The following ZEB1 variants were observed in gnomAD, a reference collection of about 807,000 sequenced individuals.
ZEB1 encodes the protein zinc finger E-box binding homeobox 1.
In ZEB1, 21 loss-of-function variants were observed where a neutral mutation model predicts 84.9. That is an observed-to-expected ratio of 0.25 (90% CI 0.18 to 0.36). The LOEUF (loss-of-function observed/expected upper bound fraction) is 0.36, where lower values mean the gene tolerates loss of function less well. Among genes scored for constraint, ZEB1 ranks in the 10% least tolerant of loss-of-function variants. The probability of loss-of-function intolerance (pLI) is 1.00; values close to 1 mark genes in which losing one functional copy is unlikely to be tolerated. For missense variants in ZEB1, 1,104 were observed against 1,330.2 expected (o/e 0.83, Z 2.65); for synonymous variants, 420 against 471.1 (o/e 0.89, Z 1.41).
chr10:31,446,629 T>G (rs2059818353), intron 1 of ZEB1, among the ~76,000 whole-genome samples: 1 of 152,132 alleles, frequency 6.6e-6, no homozygotes, highest in African/African-American at 2.4e-5. Flanking sequence ...TTCTCGTTGG[T>G]TTCAAAGAAT....
At position 31,401,304 on chromosome 10, in the gene ZEB1, T is replaced by C. The variant is rs149694278; in HGVS notation, c.59-59733T>C. Among the ~76,000 whole-genome samples, 250 of 152,348 alleles carry C rather than the reference T, an allele frequency of 1.6e-3. 3 individuals are homozygous for C. Among genetic ancestry groups the C allele is most frequent in the Admixed American group, 0.014 (219 of 15,298 alleles). On this transcript the variant is annotated intron_variant, in intron 1 of 8. Coordinates refer to ENST00000424869, the MANE Select transcript of ZEB1 (RefSeq NM_001174096.2). ...GTTAAGAAATACATAATTACTATTATACAAGTGACACTTTTTACCTTGAAC... is the reference window on the plus strand; with the variant it reads ...GTTAAGAAATACATAATTACTATTACACAAGTGACACTTTTTACCTTGAAC...
chr10:31,341,514 G>T (rs752783173), intron 1 of ZEB1, among the ~76,000 whole-genome samples: 1 of 152,154 alleles, frequency 6.6e-6, no homozygotes, highest in Non-Finnish European at 1.5e-5. Flanking sequence ...GTTTAAGATG[G>T]TTGTGACATC....
At chr10:31,517,936 T>G (rs1308487566) in intron 6 of ZEB1, among the ~76,000 whole-genome samples, 1 of 152,124 alleles carries the variant, frequency 6.6e-6, no homozygotes, top group Non-Finnish European at 1.5e-5. Flanking sequence ...TTGTCCAAGG[T>G]CACTCAGGTA....
At chr10:31,479,886 C>A (rs1376854519) in intron 2 of ZEB1, among the ~76,000 whole-genome samples, 1 of 151,892 alleles carries the variant, frequency 6.6e-6, no homozygotes, top group Non-Finnish European at 1.5e-5. Flanking sequence ...AAAATACTAT[C>A]AACTTTATTC....
At chr10:31,386,140 TAAG>T in intron 1 of ZEB1, among the ~76,000 whole-genome samples, 1 of 152,090 alleles carries the variant, frequency 6.6e-6, no homozygotes, top group South Asian at 2.1e-4. Flanking sequence ...ACTAAAGCAT[TAAG>T]AAGGTATATT....
intron 1 of ZEB1, among the ~76,000 whole-genome samples, chr10:31,383,429 A>T (rs1287050484): frequency 1.3e-5 from 2 of 152,232 alleles, no homozygotes; most frequent in Non-Finnish European, 2.9e-5. Context: ...TGAAAATAAA[A>T]TAGTAAATTT....
chr10:31,373,036 A>T (rs371626485), intron 1 of ZEB1: 1 of 985,288 alleles, frequency 1.0e-6, no homozygotes. Flanking sequence ...TTAAATTCTC[A>T]ACTGGCAATT....
At chr10:31,355,143 G>T (rs2133946076) in intron 1 of ZEB1, 1 of 152,058 alleles carries the variant, frequency 6.6e-6, no homozygotes, top group African/African-American at 2.4e-5. Flanking sequence ...TTTTCTCTCA[G>T]CAGCTGTTTA....
chr10:31,381,506 T>C (rs1474045378), intron 1 of ZEB1, among the ~76,000 whole-genome samples: 1 of 152,176 alleles, frequency 6.6e-6, no homozygotes, highest in African/African-American at 2.4e-5. Context: ...TATTGGCAAA[T>C]TATTTGACTA....
At chr10:31,334,815 AT>A (rs2037648134) in intron 1 of ZEB1, among the ~76,000 whole-genome samples, 1 of 152,124 alleles carries the variant, frequency 6.6e-6, no homozygotes, top group African/African-American at 2.4e-5. Context: ...CTAAAAAAAA[AT>A]GTAGCTCATG....
chr10:31,450,383 C>G (rs2060413280), intron 1 of ZEB1, among the ~76,000 whole-genome samples: 2 of 151,844 alleles, frequency 1.3e-5, no homozygotes, highest in African/African-American at 2.4e-5. Flanking sequence ...TATTGGAAAG[C>G]TGTTGATTTT....
chr10:31,460,594 T>C (rs1427025236), intron 1 of ZEB1, among the ~76,000 whole-genome samples: 2 of 152,074 alleles, frequency 1.3e-5, no homozygotes, highest in African/African-American at 4.8e-5. Context: ...AGGTTTAATA[T>C]AGAGTTTAAG....
At chr10:31,458,336 TTGTGTGTGTGTG>T (rs770656843) in intron 1 of ZEB1, among the ~76,000 whole-genome samples, 1 of 102,264 alleles carries the variant, frequency 9.8e-6, no homozygotes, top group Non-Finnish European at 1.7e-5. Flanking sequence ...TGTGTGTGTG[TTGTGTGTGTGTG>T]TGTGTGTGTG....
At chr10:31,416,237 G>C (rs1005978920) in intron 1 of ZEB1, among the ~76,000 whole-genome samples, 1 of 151,930 alleles carries the variant, frequency 6.6e-6, no homozygotes, top group African/African-American at 2.4e-5. Context: ...TAGGAAAGAC[G>C]ATTTAGTTCT....
At chr10:31,329,975 T>C (rs2133224523) in intron 1 of ZEB1, among the ~76,000 whole-genome samples, 1 of 152,314 alleles carries the variant, frequency 6.6e-6, no homozygotes, top group South Asian at 2.1e-4. Flanking sequence ...GTATTAAAGA[T>C]ATTTCTCTCT....
At chr10:31,319,821 C>T (rs2033278796) in intron 1 of ZEB1, 1 of 149,020 alleles carries the variant, frequency 6.7e-6, no homozygotes. Context: ...CCGCGCGCCG[C>T]GGCCCCGGCC....
intron 2 of ZEB1, among the ~76,000 whole-genome samples, chr10:31,488,517 CTG>C (rs1348512332): frequency 6.9e-6 from 1 of 144,328 alleles, no homozygotes; most frequent in Admixed American, 6.7e-5. Flanking sequence ...TTTTGTCTCA[CTG>C]TTTTTTTTTT....
intron 3 of ZEB1, among the ~76,000 whole-genome samples, chr10:31,501,352 C>A (rs952418103): frequency 7.2e-5 from 11 of 152,200 alleles, no homozygotes; most frequent in African/African-American, 2.4e-4. Flanking sequence ...CTTCTCAAAG[C>A]ATAAGCCTTT....
chr10:31,321,906 G>T, intron 1 of ZEB1: 1 of 246,996 alleles, frequency 4.0e-6, no homozygotes, highest in Non-Finnish European at 8.0e-6. Context: ...GCCCCCTCCT[G>T]TCTGCTGCTT....
Sources: allele counts gnomAD v4.1 joint callset (sites outside exome capture counted in the v4.1 genomes callset), GRCh38; gene constraint gnomAD v4.1.1; transcripts MANE v1.5; gene names NCBI Gene and HGNC (gene_info 2026-07-23, HGNC 2026-07-21).